Variants in MALRD1 observed in about 807,000 individuals in gnomAD.
MALRD1 encodes MAM and LDL receptor class A domain containing 1.
A neutral mutation model predicts 242.1 loss-of-function variants in MALRD1; 247 were observed. The observed-to-expected ratio is 1.02, with a 90% CI of 0.92 to 1.13. The LOEUF (loss-of-function observed/expected upper bound fraction) is 1.13. Among genes scored for constraint, MALRD1 ranks in the 50% most tolerant of loss-of-function variants. The pLI is 0.00. For synonymous variants in MALRD1, 995 were observed against 866.6 expected, an observed-to-expected ratio of 1.15 and a Z score of -2.60; for missense variants, 2,989 against 2,533.1, an observed-to-expected ratio of 1.18 and a Z score of -3.86.
rs1221075576 is a variant in MALRD1 at position 19,347,902 on chromosome 10, A to T, written c.4033A>T (p.Thr1345Ser). 1 of 1,550,372 alleles carries T rather than the reference A, an allele frequency of 6.5e-7. No individual in the cohort carries two copies. The highest frequency in any genetic ancestry group is 2.0e-5 in the Admixed American group (1 of 50,988). The change falls in exon 25 of 40, where the codon ACT becomes TCT. Residue 1345 changes from threonine (T) to serine (S), a missense_variant. Coordinates refer to ENST00000454679, the MANE Select transcript of MALRD1 (RefSeq NM_001142308.3). ...AAGTEPAADH[T>S]LGNSSGHYIF... is the part of the protein sequence containing the mutation. ...AGGCACAGAGCCAGCAGCAGATCACACTTTGGGAAATTCATCTGGTCATTA... is the reference window on the plus strand; with the variant it reads ...AGGCACAGAGCCAGCAGCAGATCACTCTTTGGGAAATTCATCTGGTCATTA...
intron 14 of MALRD1, among the ~76,000 whole-genome samples, chr10:19,184,633 C>T (rs1835659121): frequency 6.6e-6 from 1 of 152,166 alleles, no homozygotes; most frequent in Admixed American, 6.5e-5. Context: ...ACTGCAACCT[C>T]TGCTTCCCGG....
intron 33 of MALRD1, among the ~76,000 whole-genome samples, chr10:19,570,863 A>G (rs1447151807): frequency 6.6e-6 from 1 of 152,084 alleles, no homozygotes; most frequent in African/African-American, 2.4e-5. Context: ...ATGTCTTCTT[A>G]AAACTGTGTT....
chr10:19,552,304 G>A (rs933908696), intron 32 of MALRD1, among the ~76,000 whole-genome samples: 1 of 151,704 alleles, frequency 6.6e-6, no homozygotes, highest in Admixed American at 6.6e-5. Flanking sequence ...CAATTTCAGG[G>A]TGTATATGTC....
chr10:19,209,768 G>T (rs1452092836), intron 18 of MALRD1, 88 bp downstream of exon 18: 19 of 1,306,292 alleles, frequency 1.5e-5, no homozygotes, highest in East Asian at 2.5e-5. Flanking sequence ...CTAATTAAAA[G>T]CAAGTGGAAT....
intron 31 of MALRD1, among the ~76,000 whole-genome samples, chr10:19,528,365 C>T (rs191492652): frequency 2.6e-4 from 40 of 152,222 alleles, no homozygotes; most frequent in African/African-American, 8.4e-4. Flanking sequence ...GAAGCCGAGG[C>T]GGGCGGATCA....
At chr10:19,428,562 T>C (rs1833992580) in intron 28 of MALRD1, among the ~76,000 whole-genome samples, 1 of 152,098 alleles carries the variant, frequency 6.6e-6, no homozygotes, top group Non-Finnish European at 1.5e-5. Context: ...TGCTTCCAGG[T>C]CCAGATGCTC....
At position 19,348,017 on chromosome 10, in the gene MALRD1, A is replaced by G. The variant is rs1844207861; in HGVS notation, c.4148A>G (p.Lys1383Arg). Reference protein sequence around the residue: ...PVISKRSKNCKIIFHYHMYGN... With the variant: ...PVISKRSKNCRIIFHYHMYGN... ...ATAAGTAAGAGAAGCAAAAACTGCA[A>G]GGTATGGGGAAAATCGAACCAACCA... Residue 1383 changes from lysine (K) to arginine (R), a missense_variant and splice_region_variant, in exon 25 of 40, where the codon AAG becomes AGG. Transcript: ENST00000454679. 2 of 1,548,868 alleles carry G rather than the reference A, an allele frequency of 1.3e-6. No homozygotes were observed. Among genetic ancestry groups the G allele is most frequent in the African/African-American group, 2.7e-5 (2 of 72,944 alleles).
At chr10:19,420,265 A>G (rs1833671738) in intron 28 of MALRD1, among the ~76,000 whole-genome samples, 1 of 151,936 alleles carries the variant, frequency 6.6e-6, no homozygotes, top group Non-Finnish European at 1.5e-5. Flanking sequence ...ATGACAGAGC[A>G]GGTAATCGGA....
At chr10:19,054,082 G>A (rs972675947) in intron 1 of MALRD1, among the ~76,000 whole-genome samples, 1 of 152,068 alleles carries the variant, frequency 6.6e-6, no homozygotes, top group Non-Finnish European at 1.5e-5. Context: ...GGAAATATAA[G>A]TTGTGGTACT....
intron 33 of MALRD1, among the ~76,000 whole-genome samples, chr10:19,586,907 G>C (rs576243828): frequency 2.6e-5 from 4 of 152,234 alleles, no homozygotes; most frequent in Admixed American, 1.3e-4. Flanking sequence ...CTCCGAGCCA[G>C]GTGTGGGATA....
chr10:19,550,640 C>T lies in MALRD1; in HGVS notation c.5479-16862C>T, dbSNP rs192586424. On this transcript the variant is annotated intron_variant, in intron 32 of 39. Transcript: ENST00000454679. ...ATTAGTTTCCTGAGGATAATGGCTT[C>T]TAGCTCCATCCATGTCCCTGCACGG... Among the ~76,000 whole-genome samples the T allele has an allele frequency of 2.6e-5, 4 of 152,248 alleles. No homozygotes were observed. The East Asian group carries it at 7.7e-4, about 29-fold the overall frequency.
chr10:19,713,735 G>C (rs545903013), intron 38 of MALRD1, among the ~76,000 whole-genome samples: 122 of 152,312 alleles, frequency 8.0e-4, no homozygotes, highest in Non-Finnish European at 1.6e-3. Context: ...TGCAAGGAGA[G>C]AAAGTACTAG....
At chr10:19,546,718 A>G (rs1409256525) in intron 32 of MALRD1, among the ~76,000 whole-genome samples, 1 of 152,166 alleles carries the variant, frequency 6.6e-6, no homozygotes, top group Non-Finnish European at 1.5e-5. Context: ...TATTTTCATC[A>G]AAAAGTTTCC....
chr10:19,456,515 A>G (rs1014011382), intron 29 of MALRD1, among the ~76,000 whole-genome samples: 4 of 151,926 alleles, frequency 2.6e-5, no homozygotes, highest in African/African-American at 7.3e-5. Context: ...GCTTTATATA[A>G]AGTTCACACA....
chr10:19,246,372 C>A (rs1839043924), intron 18 of MALRD1, among the ~76,000 whole-genome samples: 1 of 152,056 alleles, frequency 6.6e-6, no homozygotes, highest in Admixed American at 6.6e-5. Context: ...CACTGAAGAC[C>A]AGACACAAGC....
intron 14 of MALRD1, among the ~76,000 whole-genome samples, chr10:19,184,982 T>C (rs1835673980): frequency 6.6e-6 from 1 of 152,226 alleles, no homozygotes. Context: ...AAATTTACTT[T>C]CACTTTTCAT....
chr10:19,070,307 C>G (rs1835104044), intron 2 of MALRD1, among the ~76,000 whole-genome samples: 2 of 152,080 alleles, frequency 1.3e-5, no homozygotes, highest in African/African-American at 4.8e-5. Context: ...TACACATTAG[C>G]CTACGGTTGG....
chr10:19,052,009 C>T (rs1834521930), intron 1 of MALRD1: 2 of 316,086 alleles, frequency 6.3e-6, no homozygotes, highest in South Asian at 6.2e-5. Context: ...TCAGAAGCAC[C>T]GCCCATTGTG....
intron 38 of MALRD1, among the ~76,000 whole-genome samples, chr10:19,713,183 A>G (rs553194636): frequency 2.2e-4 from 34 of 152,070 alleles, no homozygotes; most frequent in African/African-American, 7.7e-4. Context: ...AAAAAAAGAA[A>G]CAGGAAATAA....
Sources: gnomAD v4.1 joint callset for allele counts (sites outside exome capture counted in the v4.1 genomes callset) on GRCh38, gnomAD v4.1.1 for gene constraint, MANE v1.5 for transcripts, NCBI Gene and HGNC (gene_info 2026-07-23, HGNC 2026-07-21) for gene names.